Variants in TUBB3 observed in about 807,000 individuals in gnomAD.
TUBB3 encodes tubulin beta-3 chain.
A neutral mutation model predicts 37.8 loss-of-function variants in TUBB3; 17 were observed. That is an observed-to-expected ratio of 0.45 (90% CI 0.31 to 0.67). The LOEUF is 0.67. Ranked by LOEUF, TUBB3 falls within the 30% of genes least tolerant of loss-of-function variation. The pLI, the probability that TUBB3 is intolerant of heterozygous loss-of-function variation, is 0.07. For missense variants in TUBB3, 262 were observed against 657.9 expected, an observed-to-expected ratio of 0.40 and a Z score of 6.58; for synonymous variants, 332 against 278.9, an observed-to-expected ratio of 1.19 and a Z score of -1.90.
intron 1 of TUBB3, among the ~76,000 whole-genome samples, chr16:89,928,524 ATT>A (rs34609827): frequency 0.38 from 51,637 of 135,738 alleles, 10,195 homozygotes; most frequent in East Asian, 0.62. Context: ...ACACTGGCTA[ATT>A]TTTTTTTTTT....
intron 2 of TUBB3, 26 bp from the exon 3 acceptor site, chr16:89,933,442 A>T: frequency 1.3e-6 from 2 of 1,580,212 alleles, no homozygotes; most frequent in Non-Finnish European, 1.7e-6. Context: ...TGTGACCCGA[A>T]TCACCGAGCC....
chr16:89,934,609 A>G, intron 3 of TUBB3, 120 bp from the exon 4 acceptor site: 1 of 1,006,578 alleles, frequency 9.9e-7, no homozygotes, highest in Non-Finnish European at 1.5e-6. Flanking sequence ...GGCCTACTTT[A>G]CAGAAGACAG....
At chr16:89,925,441 A>G (rs2030039739) in intron 1 of TUBB3, among the ~76,000 whole-genome samples, 1 of 151,490 alleles carries the variant, frequency 6.6e-6, no homozygotes, top group African/African-American at 2.4e-5. Flanking sequence ...AAAAAAAAAA[A>G]AAAAATTAGC....
rs2030345780 is a variant in TUBB3 at position 89,933,551 on chromosome 16, C to A, written c.250C>A (p.Leu84Ile). Reference protein sequence around the residue: ...DSVRSGAFGHLFRPDNFIFGQ... With the variant: ...DSVRSGAFGHIFRPDNFIFGQ... Reference sequence around the variant, plus strand: ...TGTCCGCTCAGGGGCCTTTGGACATCTCTTCAGGCCTGACAATTTCATCTT... The same window carrying A: ...TGTCCGCTCAGGGGCCTTTGGACATATCTTCAGGCCTGACAATTTCATCTT... The change falls in exon 3 of 4, where the codon CTC becomes ATC. Residue 84 changes from leucine to isoleucine, a missense_variant. Leu to Ile is a conservative substitution (Grantham distance 5). Around this residue, in one of 3 missense-constraint regions of TUBB3, gnomAD observed 165 missense variants for 556.8 expected, o/e 0.30. Transcript: ENST00000315491. The A allele has an allele frequency of 1.2e-6, 2 of 1,614,104 alleles. No homozygotes were observed. Among genetic ancestry groups the A allele is most frequent in the African/African-American group, 1.3e-5 (1 of 75,056 alleles).
intron 1 of TUBB3, among the ~76,000 whole-genome samples, chr16:89,927,101 G>A (rs1164923556): frequency 6.6e-6 from 1 of 151,964 alleles, no homozygotes; most frequent in Non-Finnish European, 1.5e-5. Flanking sequence ...TAGGCCAGGT[G>A]CGGTGGCTCA....
chr16:89,933,191 G>A (rs1597423507), intron 2 of TUBB3: 1 of 667,042 alleles, frequency 1.5e-6, no homozygotes, highest in Non-Finnish European at 2.8e-6. Flanking sequence ...GCCTCCCAAA[G>A]TGTTGGGAGT....
chr16:89,923,317 G>A (rs992203255), upstream of TUBB3: 34 of 1,202,152 alleles, frequency 2.8e-5, 2 homozygotes, highest in African/African-American at 4.9e-5. Context: ...GCGGCTATAA[G>A]AGCGCGCGGC....
At chr16:89,924,265 C>T (rs112447142) in intron 1 of TUBB3, among the ~76,000 whole-genome samples, 10 of 152,342 alleles carry the variant, frequency 6.6e-5, no homozygotes, top group African/African-American at 2.4e-4. Flanking sequence ...GGACCCCTGC[C>T]TAAATCATTA....
intron 1 of TUBB3, among the ~76,000 whole-genome samples, chr16:89,925,490 G>A (rs2030042846): frequency 1.3e-5 from 2 of 151,952 alleles, no homozygotes; most frequent in South Asian, 2.1e-4. Flanking sequence ...CAGCTACCTG[G>A]GAGGCTGAGA....
Position 89,924,007 on chromosome 16 carries a change from G to A in TUBB3, c.57+549G>A, listed in dbSNP as rs1298772437. The stretch of plus-strand genomic sequence containing the variant: ...GCTCCACCCTGTCCCTTTGTTGGAG[G>A]GGTTGGGCCTGGACTCGAGATGACC... On this transcript the variant is annotated intron_variant, in intron 1 of 3. Transcript: ENST00000315491. 3.3e-5 allele frequency among the ~76,000 whole-genome samples: 5 copies of A among 152,298 alleles called. No individual in the cohort carries two copies. In the East Asian group the frequency reaches 7.7e-4, roughly 24 times the overall value.
intron 1 of TUBB3, among the ~76,000 whole-genome samples, chr16:89,924,468 G>A (rs534407894): frequency 1.7e-4 from 26 of 152,192 alleles, no homozygotes; most frequent in Middle Eastern, 3.4e-3. Flanking sequence ...AGGGGATCGG[G>A]GGGGGAGGCT....
At chr16:89,923,706 C>G (rs947934990) in intron 1 of TUBB3, among the ~76,000 whole-genome samples, 3 of 152,192 alleles carry the variant, frequency 2.0e-5, no homozygotes, top group Non-Finnish European at 4.4e-5. Context: ...AGCCTCAGCC[C>G]CCTCCACACC....
intron 1 of TUBB3, among the ~76,000 whole-genome samples, chr16:89,924,655 C>T (rs1279582931): frequency 1.3e-5 from 2 of 152,054 alleles, no homozygotes; most frequent in African/African-American, 4.8e-5. Flanking sequence ...CAGGGCCAGC[C>T]ACGTGGCTGA....
At chr16:89,930,684 C>A (rs568031951) in intron 1 of TUBB3, among the ~76,000 whole-genome samples, 36 of 152,242 alleles carry the variant, frequency 2.4e-4, no homozygotes, top group African/African-American at 7.5e-4. Flanking sequence ...CAGGCGTGAG[C>A]CACCGCACCT....
rs375452332 is a variant in TUBB3, at chr16:89,936,090, A to T, written c.*286A>T. On this transcript the variant is annotated 3_prime_UTR_variant, in exon 4 of 4. Transcript: ENST00000315491. The stretch of plus-strand genomic sequence containing the variant: ...TACTTAATAAATCTATTGCTGTCAG[A>T]TACCCTTGCTTGGTGCCAGAGATGT... 70 of 530,438 alleles carry T rather than the reference A, an allele frequency of 1.3e-4. No homozygotes were observed. In the East Asian group the frequency reaches 1.4e-3, roughly 11 times the overall value. The allele number at this position is 530,438 out of a possible 1,614,324, so 32.9% of individuals were successfully genotyped here.
Position 89,934,949 on chromosome 16 carries a change from C to G in TUBB3, c.498C>G (p.Thr166=). 6.2e-7 allele frequency: 1 copy of G among 1,614,224 alleles called. No homozygotes were observed. Among genetic ancestry groups the G allele is most frequent in the South Asian group, 1.1e-5 (1 of 91,086 alleles). The part of the protein sequence containing the change: ...REEYPDRIMN[T]FSVVPSPKVS... ...AGTATCCCGACCGCATCATGAACAC[C>G]TTCAGCGTCGTGCCCTCACCCAAGG... The change falls in exon 4 of 4, where the codon ACC becomes ACG. Residue 166 remains threonine (T), a synonymous_variant. Transcript: ENST00000315491.
intron 1 of TUBB3, 68 bp downstream of exon 1, chr16:89,923,526 G>T: frequency 7.7e-7 from 1 of 1,306,118 alleles, no homozygotes. Context: ...TGCCCCGCGG[G>T]CCGCACCTCC....
At chr16:89,924,767 A>T (rs1449974824) in intron 1 of TUBB3, among the ~76,000 whole-genome samples, 1 of 152,108 alleles carries the variant, frequency 6.6e-6, no homozygotes, top group Non-Finnish European at 1.5e-5. Flanking sequence ...TGTGCCTGCC[A>T]AGGAGAGCCT....
At chr16:89,930,313 C>T (rs1233497697) in intron 1 of TUBB3, among the ~76,000 whole-genome samples, 1 of 151,684 alleles carries the variant, frequency 6.6e-6, no homozygotes, top group African/African-American at 2.4e-5. Context: ...CTATGTTGGC[C>T]AGGCTGGTCT....
Sources: gnomAD v4.1 joint callset for allele counts (sites outside exome capture counted in the v4.1 genomes callset) on GRCh38, gnomAD v4.1.1 for gene constraint, gnomAD v4.1.1 regional missense constraint, MANE v1.5 for transcripts, NCBI Gene and HGNC (gene_info 2026-07-23, HGNC 2026-07-21) for gene names.